CNTN1: variants seen among roughly 807,000 people sequenced by gnomAD.
The protein encoded by CNTN1 is contactin 1, also known as contactin-1.
A neutral mutation model predicts 126.4 loss-of-function variants in CNTN1; 38 were observed. The ratio of observed to expected loss-of-function variants is 0.30; its 90% confidence interval spans 0.23 to 0.39. The LOEUF is 0.39. Among genes scored for constraint, CNTN1 ranks in the 10% least tolerant of loss-of-function variants. CNTN1 has a pLI of 1.00. For synonymous variants in CNTN1, 413 were observed against 422.6 expected, an observed-to-expected ratio of 0.98 and a Z score of 0.28; for missense variants, 1,009 against 1,248.4, an observed-to-expected ratio of 0.81 and a Z score of 2.89.
chr12:41,046,705 T>G (rs1406265420), intron 23 of CNTN1, among the ~76,000 whole-genome samples: 1 of 152,036 alleles, frequency 6.6e-6, no homozygotes, highest in Non-Finnish European at 1.5e-5. Flanking sequence ...TGCAAATTTT[T>G]TTCTTTAATT....
At chr12:40,799,823 CA>C (rs1940578927) in intron 1 of CNTN1, among the ~76,000 whole-genome samples, 1 of 151,850 alleles carries the variant, frequency 6.6e-6, no homozygotes, top group Non-Finnish European at 1.5e-5. Flanking sequence ...TCAGTCCTTA[CA>C]ATATTCCCAT....
chr12:40,850,750 A>T (rs1050412787), intron 1 of CNTN1, among the ~76,000 whole-genome samples: 1 of 151,012 alleles, frequency 6.6e-6, no homozygotes, highest in Admixed American at 6.6e-5. Context: ...GTACCAAGTG[A>T]TCTGAGGGGT....
intron 18 of CNTN1, among the ~76,000 whole-genome samples, chr12:41,016,462 G>A (rs1948783195): frequency 6.6e-6 from 1 of 151,536 alleles, no homozygotes; most frequent in South Asian, 2.1e-4. Context: ...GGAGTGAGAG[G>A]CCCCTGAGGT....
intron 17 of CNTN1, among the ~76,000 whole-genome samples, chr12:40,993,684 T>G (rs1049337051): frequency 6.6e-6 from 1 of 152,164 alleles, no homozygotes; most frequent in African/African-American, 2.4e-5. Context: ...TCTGTGTCTC[T>G]CTCGAACTCA....
chr12:41,045,793 A>T (rs1245443782), intron 23 of CNTN1, among the ~76,000 whole-genome samples: 1 of 152,106 alleles, frequency 6.6e-6, no homozygotes, highest in African/African-American at 2.4e-5. Context: ...ACCAAAACAA[A>T]ATAAATAATT....
intron 15 of CNTN1, among the ~76,000 whole-genome samples, chr12:40,962,328 T>G (rs920238736): frequency 2.0e-5 from 3 of 152,114 alleles, no homozygotes; most frequent in African/African-American, 7.2e-5. Context: ...TACAGCATGA[T>G]GAAAGCAATT....
chr12:40,959,192 A>G lies in CNTN1; in HGVS notation c.1762A>G (p.Ile588Val), dbSNP rs555223029. 6.2e-7 allele frequency: 1 copy of G among 1,612,798 alleles called. No homozygotes were observed. Among genetic ancestry groups the G allele is most frequent in the East Asian group, 2.2e-5 (1 of 44,812 alleles). The change falls in exon 15 of 24, where the codon ATT becomes GTT. Residue 588 changes from isoleucine (I) to valine (V), a missense_variant. Coordinates refer to ENST00000551295, the MANE Select transcript of CNTN1 (RefSeq NM_001843.4). ...AGRYTCTAQT[I>V]VDNSSASADL... Reference sequence around the variant, plus strand: ...AAGATACACATGCACTGCCCAGACAATTGTGGACAATTCTTCAGCTTCAGC... The same window carrying G: ...AAGATACACATGCACTGCCCAGACAGTTGTGGACAATTCTTCAGCTTCAGC...
chr12:40,969,037 A>C (rs1947403591), intron 15 of CNTN1, among the ~76,000 whole-genome samples: 1 of 152,160 alleles, frequency 6.6e-6, no homozygotes, highest in South Asian at 2.1e-4. Flanking sequence ...TTCCCTTTTC[A>C]GCTCATTTTA....
intron 14 of CNTN1, among the ~76,000 whole-genome samples, chr12:40,956,243 G>T (rs35462205): frequency 1.3e-5 from 2 of 152,040 alleles, no homozygotes; most frequent in Non-Finnish European, 2.9e-5. Context: ...AGAAGACAGC[G>T]CATACAGCTG....
chr12:40,756,070 A>AT lies in CNTN1; in HGVS notation c.-77+63482dup, dbSNP rs141015042. On this transcript the variant is annotated intron_variant, in intron 1 of 23. Transcript: ENST00000551295. The stretch of plus-strand genomic sequence containing the variant: ...TGCAAGCACAGAAAAGGTGTAACTG[A>AT]TTTTAACTAGGGTTGGATCCAGTCA... 6.2e-3 allele frequency among the ~76,000 whole-genome samples: 945 copies of AT among 152,278 alleles called. 7 individuals carry two copies. The highest frequency in any genetic ancestry group is 0.022 in the African/African-American group (917 of 41,578).
chr12:40,792,904 A>T (rs1940272025), intron 1 of CNTN1, among the ~76,000 whole-genome samples: 1 of 152,132 alleles, frequency 6.6e-6, no homozygotes, highest in African/African-American at 2.4e-5. Flanking sequence ...ATGACTATTC[A>T]GACGGGTTAC....
chr12:40,756,729 G>A (rs117997565), intron 1 of CNTN1, among the ~76,000 whole-genome samples: 4 of 152,196 alleles, frequency 2.6e-5, no homozygotes, highest in Non-Finnish European at 5.9e-5. Flanking sequence ...ACCTCCAAGA[G>A]GCTTCGCGTC....
At chr12:40,863,926 T>TCCTCCCTC (rs1555170458) in intron 1 of CNTN1, among the ~76,000 whole-genome samples, 22 of 129,152 alleles carry the variant, frequency 1.7e-4, no homozygotes, top group African/African-American at 6.8e-4. Context: ...CTTCCTTCCT[T>TCCTCCCTC]CCTCCCTCCC....
rs552009640 is a variant in CNTN1, at chr12:41,008,151, G to A, written c.2114-6077G>A. On this transcript the variant is annotated intron_variant, in intron 17 of 23. Coordinates refer to ENST00000551295, the MANE Select transcript of CNTN1 (RefSeq NM_001843.4). ...TGGCTCCTCCTGGGGTCAATCTAAG[G>A]GTCCTTGGAAGAAAGGCATGTCCAT... Among the ~76,000 whole-genome samples, 6 of 152,200 alleles carry A rather than the reference G, an allele frequency of 3.9e-5. No individual in the cohort carries two copies. In the East Asian group the frequency reaches 1.2e-3, roughly 29 times the overall value.
chr12:41,016,642 G>T lies in CNTN1; in HGVS notation c.2185-40G>T, dbSNP rs535903320. On this transcript the variant is annotated intron_variant, in intron 18 of 23. Coordinates refer to ENST00000551295, the MANE Select transcript of CNTN1 (RefSeq NM_001843.4). The stretch of plus-strand genomic sequence containing the variant: ...CCATAGCATTTCCTCCCTGTTACCT[G>T]TATTACTAAAACCTACTCAATCTTT... 2.3e-6 allele frequency: 3 copies of T among 1,319,124 alleles called. No individual in the cohort carries two copies. In the South Asian group the frequency reaches 3.5e-5, roughly 16 times the overall value. The allele number at this position is 1,319,124 out of a possible 1,614,324, so 81.7% of individuals were successfully genotyped here.
chr12:40,856,040 T>C (rs146293222), intron 1 of CNTN1, among the ~76,000 whole-genome samples: 1 of 152,242 alleles, frequency 6.6e-6, no homozygotes, highest in East Asian at 1.9e-4. Flanking sequence ...CATTAAATTT[T>C]GGGTGGGTGA....
At chr12:40,963,572 TTAATATTAATATTTAAAA>T (rs1947186852) in intron 15 of CNTN1, among the ~76,000 whole-genome samples, 1 of 118,254 alleles carries the variant, frequency 8.5e-6, no homozygotes, top group African/African-American at 3.1e-5. Flanking sequence ...TTTTAAAATG[TTAATATTAATATTTAAAA>T]TGTTAATATT....
At chr12:40,736,571 T>C (rs1043312463) in intron 1 of CNTN1, among the ~76,000 whole-genome samples, 1 of 152,054 alleles carries the variant, frequency 6.6e-6, no homozygotes, top group Non-Finnish European at 1.5e-5. Flanking sequence ...ACTTGGAAAG[T>C]AAATATAATA....
chr12:40,946,875 C>T (rs1337461093), intron 14 of CNTN1, among the ~76,000 whole-genome samples: 6 of 151,816 alleles, frequency 4.0e-5, no homozygotes, highest in South Asian at 2.1e-4. Flanking sequence ...ACTTCTTTTC[C>T]TTCATGAAAT....
Sources: allele counts gnomAD v4.1 joint callset (sites outside exome capture counted in the v4.1 genomes callset), GRCh38; gene constraint gnomAD v4.1.1; transcripts MANE v1.5; gene names NCBI Gene and HGNC (gene_info 2026-07-23, HGNC 2026-07-21).